Variants in ACSL5 observed in about 807,000 individuals in gnomAD.
ACSL5 encodes acyl-CoA synthetase long chain family member 5.
Under a neutral mutation model 84.9 loss-of-function variants are expected in ACSL5, and 50 were observed. That is an observed-to-expected ratio of 0.59 (90% CI 0.47 to 0.75). The LOEUF (loss-of-function observed/expected upper bound fraction) is 0.75. ACSL5 is among the 30% of genes least tolerant of loss of function. The probability of loss-of-function intolerance (pLI) is 0.00; values close to 1 mark genes in which losing one functional copy is unlikely to be tolerated. For synonymous variants in ACSL5, 280 were observed against 300.7 expected (o/e 0.93, Z 0.71); for missense variants, 775 against 830.4 (o/e 0.93, Z 0.82).
intron 1 of ACSL5, among the ~76,000 whole-genome samples, chr10:112,386,454 A>G (rs1433598052): frequency 6.6e-6 from 1 of 152,058 alleles, no homozygotes; most frequent in African/African-American, 2.4e-5. Flanking sequence ...TCGGCCTTCC[A>G]AAGTGCTGGG....
At chr10:112,426,896 C>A in intron 20 of ACSL5, 37 bp downstream of exon 20, 1 of 1,515,952 alleles carries the variant, frequency 6.6e-7, no homozygotes, top group South Asian at 1.1e-5. Flanking sequence ...GGCCTCTTGT[C>A]AGAAAGTTTT....
intron 12 of ACSL5, among the ~76,000 whole-genome samples, chr10:112,413,545 G>A (rs563894081): frequency 6.6e-5 from 10 of 152,246 alleles, no homozygotes; most frequent in East Asian, 1.9e-4. Context: ...GGCCAACATG[G>A]TGAAACCCTG....
At chr10:112,376,437 C>A (rs541260351) in intron 1 of ACSL5, 2 of 1,614,074 alleles carry the variant, frequency 1.2e-6, no homozygotes, top group Admixed American at 3.3e-5. Context: ...AGAGATGCGG[C>A]CCCCTCGCAG....
chr10:112,416,938 T>A lies in ACSL5; in HGVS notation c.1134T>A (p.Ala378=), dbSNP rs1402089276. The A allele has an allele frequency of 6.2e-7, 1 of 1,614,092 alleles. No individual in the cohort carries two copies. Among genetic ancestry groups the A allele is most frequent in the Admixed American group, 1.7e-5 (1 of 60,012 alleles). ...TGAAGAAGTTCTTGTTGAAGCTGGCTGTTTCCAGTAAATTCAAAGAGCTTC... is the reference window on the plus strand; with the variant it reads ...TGAAGAAGTTCTTGTTGAAGCTGGCAGTTTCCAGTAAATTCAAAGAGCTTC... ...TPLKKFLLKL[A]VSSKFKELQK... is the part of the protein sequence containing the mutation. Residue 378 remains alanine (A), a synonymous_variant, in exon 13 of 21, where the codon GCT becomes GCA. Coordinates refer to ENST00000354655, the MANE Select transcript of ACSL5 (RefSeq NM_203379.2).
In ACSL5 at chr10:112,409,676, T is replaced by C. The variant is rs1199769454; in HGVS notation, c.702T>C (p.Tyr234=). 6.2e-7 allele frequency: 1 copy of C among 1,614,114 alleles called. No individual in the cohort carries two copies. The highest frequency in any genetic ancestry group is 1.7e-5 in the Admixed American group (1 of 60,012). The part of the protein sequence containing the change: ...EKSGIEILSL[Y]DAENLGKEHF... ...GTGGAATTGAGATCTTATCCCTATA[T>C]GATGCTGAGGTATGGATCTGAAATT... The change falls in exon 7 of 21, where the codon TAT becomes TAC. Residue 234 remains tyrosine (Y), a synonymous_variant. Transcript: ENST00000354655.
intron 13 of ACSL5, among the ~76,000 whole-genome samples, 178 bp downstream of exon 13, chr10:112,417,200 T>TAAAA (rs1184901585): frequency 1.7e-4 from 1 of 6,042 alleles, no homozygotes; most frequent in Non-Finnish European, 2.9e-4. Flanking sequence ...GGGAGTAGGT[T>TAAAA]TAAAAAAAAA....
chr10:112,410,253 T>C, intron 7 of ACSL5: 1 of 1,529,946 alleles, frequency 6.5e-7, no homozygotes, highest in Non-Finnish European at 8.8e-7. Flanking sequence ...ATCTACCCTC[T>C]ATAGGTAGAT....
At chr10:112,382,811 G>C (rs1295716209) in intron 1 of ACSL5, among the ~76,000 whole-genome samples, 2 of 152,214 alleles carry the variant, frequency 1.3e-5, no homozygotes, top group African/African-American at 2.4e-5. Context: ...AGAGATATGA[G>C]AGGTTATTAT....
chr10:112,392,762 A>G (rs1034952272), intron 1 of ACSL5, among the ~76,000 whole-genome samples: 2 of 151,584 alleles, frequency 1.3e-5, no homozygotes, highest in Non-Finnish European at 2.9e-5. Flanking sequence ...AAAAAATTAA[A>G]GAATTAACTG....
chr10:112,427,268 CTT>C lies in ACSL5; in HGVS notation c.1963_1964del (p.Leu655AspfsTer20). 3 of 1,613,816 alleles carry C rather than the reference CTT, an allele frequency of 1.9e-6. No homozygotes were observed. The highest frequency in any genetic ancestry group is 2.5e-6 in the Non-Finnish European group (3 of 1,179,890). ...AGCCATTTTCCATTGAAAATGGGCT[CTT>C]GACACCAACATTGAAAGCAAAGCGA... is the stretch of plus-strand genomic sequence containing the variant. ...PEPFSIENGL[L>X]TPTLKAKRGE... On this transcript the variant is annotated frameshift_variant, in exon 21 of 21. Coordinates refer to ENST00000354655, the MANE Select transcript of ACSL5 (RefSeq NM_203379.2). LOFTEE classifies it high-confidence loss of function.
intron 1 of ACSL5, among the ~76,000 whole-genome samples, chr10:112,376,999 C>T (rs1370338272): frequency 1.2e-5 from 1 of 82,908 alleles, no homozygotes; most frequent in Non-Finnish European, 2.7e-5. Flanking sequence ...GACTCTACCA[C>T]TGGAGACCCT....
chr10:112,395,497 A>G (rs1034167448), intron 2 of ACSL5, among the ~76,000 whole-genome samples: 4 of 152,236 alleles, frequency 2.6e-5, no homozygotes, highest in Non-Finnish European at 4.4e-5. Context: ...TTGACAACCC[A>G]TGATCTAAAT....
chr10:112,386,473 C>T (rs1849455820), intron 1 of ACSL5, among the ~76,000 whole-genome samples: 1 of 152,088 alleles, frequency 6.6e-6, no homozygotes, highest in South Asian at 2.1e-4. Flanking sequence ...GGATTACAGG[C>T]ATAAGCCACT....
chr10:112,409,323 T>A, intron 6 of ACSL5, 184 bp from the exon 7 acceptor site: 1 of 575,466 alleles, frequency 1.7e-6, no homozygotes, highest in Non-Finnish European at 3.1e-6. Flanking sequence ...TGCTTCTGTT[T>A]CAGTTAAGTT....
chr10:112,413,524 G>C (rs1044733957), intron 12 of ACSL5, among the ~76,000 whole-genome samples: 10 of 152,106 alleles, frequency 6.6e-5, no homozygotes, highest in African/African-American at 1.4e-4. Context: ...TCAGGAGTTC[G>C]AGACCAACCT....
At chr10:112,407,973 A>G (rs1272802487) in intron 5 of ACSL5, among the ~76,000 whole-genome samples, 1 of 151,280 alleles carries the variant, frequency 6.6e-6, no homozygotes, top group African/African-American at 2.4e-5. Context: ...TGTACTTTAT[A>G]GCAGTATTTA....
chr10:112,426,388 A>G, intron 19 of ACSL5, 29 bp downstream of exon 19: 1 of 1,586,904 alleles, frequency 6.3e-7, no homozygotes, highest in Non-Finnish European at 8.7e-7. Context: ...AGCTTTATGC[A>G]CACCCATGGG....
In ACSL5 at chr10:112,427,718, T is replaced by C. The variant is rs987120372; in HGVS notation, c.*360T>C. ...AAGGGACCCTCTGTGCCTTCTTCTT[T>C]GTTTTGTGATAAACATAACTTGCCA... is the stretch of plus-strand genomic sequence containing the variant. On this transcript the variant is annotated 3_prime_UTR_variant, in exon 21 of 21. Coordinates refer to ENST00000354655, the MANE Select transcript of ACSL5 (RefSeq NM_203379.2). 1 of 161,088 alleles carries C rather than the reference T, an allele frequency of 6.2e-6. No homozygotes were observed. The highest frequency in any genetic ancestry group is 2.0e-4 in the South Asian group (1 of 4,946). The allele number at this position is 161,088 out of a possible 1,614,324, so 10.0% of individuals were successfully genotyped here. A position where few individuals can be genotyped will look rare whatever the true frequency, so the allele number is the denominator to read the frequency against.
intron 17 of ACSL5, among the ~76,000 whole-genome samples, chr10:112,423,983 A>C (rs929928187): frequency 2.0e-5 from 3 of 152,104 alleles, no homozygotes; most frequent in Admixed American, 6.6e-5. Context: ...CAAAACAAAA[A>C]CCCAAAAAAC....
Sources: gnomAD v4.1 joint callset for allele counts (sites outside exome capture counted in the v4.1 genomes callset) on GRCh38, gnomAD v4.1.1 for gene constraint, MANE v1.5 for transcripts, NCBI Gene and HGNC (gene_info 2026-07-23, HGNC 2026-07-21) for gene names.